Variants in SMIM36 observed in about 807,000 individuals in gnomAD.
SMIM36 encodes small integral membrane protein 36.
Position 55,490,697 on chromosome 17 carries a change from T to C in SMIM36, c.*175-11117A>G, listed in dbSNP as rs577275749. The stretch of plus-strand genomic sequence containing the variant: ...AACTGAGATTCGAAATGCTGTGTTA[T>C]GAGGACCCAGGAATACTCGAAGTAG... On this transcript the variant is annotated intron_variant, in intron 1 of 4. Coordinates refer to ENST00000636752, the Ensembl canonical transcript of SMIM36. Among the ~76,000 whole-genome samples the C allele has an allele frequency of 3.3e-5, 5 of 152,274 alleles. No homozygotes were observed. In the East Asian group the frequency reaches 9.7e-4, roughly 29 times the overall value.
At chr17:55,498,312 G>A (rs1396954098) in intron 1 of SMIM36, among the ~76,000 whole-genome samples, 1 of 152,060 alleles carries the variant, frequency 6.6e-6, no homozygotes, top group African/African-American at 2.4e-5. Flanking sequence ...GAATTCTGGG[G>A]GGACAAAATT....
At chr17:55,480,044 G>T (rs1051511887) in intron 1 of SMIM36, among the ~76,000 whole-genome samples, 2 of 152,076 alleles carry the variant, frequency 1.3e-5, no homozygotes, top group African/African-American at 2.4e-5. Flanking sequence ...GCAGGGAAAG[G>T]CTCTTAGGAT....
the SMIM36 span, among the ~76,000 whole-genome samples, chr17:55,529,182 G>T: frequency 2.0e-5 from 3 of 152,132 alleles, no homozygotes; most frequent in African/African-American, 4.8e-5. Flanking sequence ...TCCTTCTCAG[G>T]TTTCCTCTTG....
chr17:55,501,769 C>A (rs1370686534), intron 1 of SMIM36, among the ~76,000 whole-genome samples: 3 of 151,400 alleles, frequency 2.0e-5, no homozygotes, highest in Non-Finnish European at 4.4e-5. Context: ...CAGCTCCCAG[C>A]GTGACCGACG....
chr17:55,528,378 G>A, the SMIM36 span, among the ~76,000 whole-genome samples: 14 of 151,716 alleles, frequency 9.2e-5, no homozygotes, highest in East Asian at 2.7e-3. Flanking sequence ...TAAAGATAGG[G>A]ACTTACTCTG....
intron 1 of SMIM36, among the ~76,000 whole-genome samples, chr17:55,505,230 G>T (rs1910061484): frequency 1.0e-5 from 1 of 95,284 alleles, no homozygotes; most frequent in African/African-American, 4.7e-5. Context: ...ATTTTATGAG[G>T]CCAGCATCAT....
intron 1 of SMIM36, among the ~76,000 whole-genome samples, chr17:55,508,872 G>A (rs1337651248): frequency 2.7e-5 from 4 of 146,910 alleles, no homozygotes; most frequent in East Asian, 2.0e-4. Context: ...GCAGTGAGCC[G>A]AGATCGTGCC....
chr17:55,486,822 T>C (rs1359359462), intron 1 of SMIM36, among the ~76,000 whole-genome samples: 2 of 152,206 alleles, frequency 1.3e-5, no homozygotes, highest in Non-Finnish European at 2.9e-5. Context: ...CACACTAAAA[T>C]GAGAATAACT....
upstream of SMIM36, among the ~76,000 whole-genome samples, chr17:55,511,943 T>G (rs1200358198): frequency 1.3e-5 from 2 of 152,220 alleles, no homozygotes; most frequent in Non-Finnish European, 1.5e-5. Flanking sequence ...TTCCTGTGTT[T>G]CAGACACTAC....
intron 3 of SMIM36, among the ~76,000 whole-genome samples, chr17:55,469,493 C>A (rs562243520): frequency 6.6e-6 from 1 of 152,160 alleles, no homozygotes; most frequent in South Asian, 2.1e-4. Context: ...AATTTTATCA[C>A]CCAGTCCACT....
At chr17:55,451,784 CT>C in intron 4 of SMIM36, among the ~76,000 whole-genome samples, 1 of 152,170 alleles carries the variant, frequency 6.6e-6, no homozygotes, top group East Asian at 1.9e-4. Context: ...ATATCAAAGT[CT>C]CTGAAAAATT....
chr17:55,472,952 C>T (rs149176450), intron 3 of SMIM36, among the ~76,000 whole-genome samples: 86 of 152,174 alleles, frequency 5.7e-4, no homozygotes, highest in Non-Finnish European at 9.1e-4. Flanking sequence ...CCTCCACACC[C>T]GCTAATATTC....
intron 3 of SMIM36, among the ~76,000 whole-genome samples, chr17:55,467,754 T>C (rs1909267651): frequency 6.6e-6 from 1 of 152,202 alleles, no homozygotes; most frequent in Non-Finnish European, 1.5e-5. Flanking sequence ...TGCTGCAACC[T>C]GGCTTTCCTG....
chr17:55,523,316 T>A, the SMIM36 span, among the ~76,000 whole-genome samples: 1 of 151,974 alleles, frequency 6.6e-6, no homozygotes, highest in Non-Finnish European at 1.5e-5. Context: ...CAGATCACGA[T>A]GTCGGGAGAT....
intron 1 of SMIM36, among the ~76,000 whole-genome samples, chr17:55,502,332 GC>G (rs1598458051): frequency 8.4e-6 from 1 of 118,410 alleles, no homozygotes; most frequent in Non-Finnish European, 1.7e-5. Flanking sequence ...CTGTCTGACA[GC>G]TTTGAAGGGA....
At chr17:55,468,719 A>G (rs1407690503) in intron 3 of SMIM36, among the ~76,000 whole-genome samples, 1 of 151,984 alleles carries the variant, frequency 6.6e-6, no homozygotes, top group Non-Finnish European at 1.5e-5. Flanking sequence ...CCTCCTTACT[A>G]TGGGCAAACT....
intron 4 of SMIM36, among the ~76,000 whole-genome samples, chr17:55,455,347 C>A (rs1316911524): frequency 6.6e-6 from 1 of 151,988 alleles, no homozygotes; most frequent in Admixed American, 6.6e-5. Flanking sequence ...TCCTTCTATT[C>A]CTCTCCCACC....
intron 3 of SMIM36, among the ~76,000 whole-genome samples, chr17:55,472,863 T>G (rs1909363448): frequency 1.3e-5 from 1 of 75,646 alleles, no homozygotes; most frequent in African/African-American, 5.4e-5. Context: ...CGAGACTCTG[T>G]CTTAAAAAAA....
chr17:55,501,427 ATT>A, intron 1 of SMIM36, among the ~76,000 whole-genome samples: 1 of 45,790 alleles, frequency 2.2e-5, no homozygotes, highest in East Asian at 7.7e-4. Flanking sequence ...AATATAATAT[ATT>A]ATTATATATT....
Sources: allele counts gnomAD v4.1 joint callset (sites outside exome capture counted in the v4.1 genomes callset), GRCh38; gene constraint gnomAD v4.1.1; transcripts MANE v1.5; gene names NCBI Gene and HGNC (gene_info 2026-07-23, HGNC 2026-07-21).